The following SMCHD1 variants were observed in gnomAD, a reference collection of about 807,000 sequenced individuals.
SMCHD1 encodes structural maintenance of chromosomes flexible hinge domain containing 1.
A neutral mutation model predicts 254.7 loss-of-function variants in SMCHD1; 78 were observed. The observed-to-expected ratio is 0.31, with a 90% confidence interval of 0.26 to 0.37. SMCHD1 has a LOEUF of 0.37. SMCHD1 is among the 10% of genes least tolerant of loss of function. The probability of loss-of-function intolerance (pLI) is 1.00; values close to 1 mark genes in which losing one functional copy is unlikely to be tolerated. For synonymous variants in SMCHD1, 766 were observed against 794.9 expected (o/e 0.96, Z 0.61); for missense variants, 1,840 against 2,408.1 (o/e 0.76, Z 4.94).
rs749763319 is a variant in SMCHD1, at chr18:2,732,336, A to G, written c.3120A>G (p.Gln1040=). The G allele has an allele frequency of 1.7e-5, 28 of 1,613,804 alleles. 1 individual carries two copies. The South Asian group carries it at 2.4e-4, about 14-fold the overall frequency. The change falls in exon 25 of 48, where the codon CAA becomes CAG. Residue 1040 remains glutamine (Q), a synonymous_variant. Coordinates refer to ENST00000320876, the MANE Select transcript of SMCHD1 (RefSeq NM_015295.3). The part of the protein sequence containing the change: ...LLPSSHVARL[Q]IFSVEGQKAI... ...CCAGTAGCCATGTTGCAAGACTACA[A>G]ATATTCAGTGTAGAAGGACAAAAGG...
At chr18:2,770,924 C>T (rs1441662026) in intron 39 of SMCHD1, among the ~76,000 whole-genome samples, 1 of 152,084 alleles carries the variant, frequency 6.6e-6, no homozygotes, top group Non-Finnish European at 1.5e-5. Context: ...ACCCAGCCTA[C>T]GTTTGCTGCA....
intron 20 of SMCHD1, among the ~76,000 whole-genome samples, chr18:2,724,519 A>G (rs1012229529): frequency 6.6e-6 from 1 of 152,178 alleles, no homozygotes; most frequent in African/African-American, 2.4e-5. Context: ...GAAAGAATTC[A>G]TGGTAAATGC....
chr18:2,800,710 A>C (rs1336200120), intron 47 of SMCHD1: 1 of 152,166 alleles, frequency 6.6e-6, no homozygotes, highest in Non-Finnish European at 1.5e-5. Context: ...TATAGTTACC[A>C]TCAAGTCCCA....
At chr18:2,800,245 T>G (rs983094754) in intron 47 of SMCHD1, among the ~76,000 whole-genome samples, 1 of 151,688 alleles carries the variant, frequency 6.6e-6, no homozygotes, top group African/African-American at 2.4e-5. Context: ...CGGAACAGAA[T>G]GGAAAAGGAA....
chr18:2,705,206 C>T (rs2074486543), intron 13 of SMCHD1, among the ~76,000 whole-genome samples: 2 of 152,024 alleles, frequency 1.3e-5, no homozygotes, highest in Non-Finnish European at 2.9e-5. Context: ...CTCTTATAGT[C>T]CTTGTTGGGA....
intron 1 of SMCHD1, among the ~76,000 whole-genome samples, chr18:2,662,330 A>C (rs2073307066): frequency 6.6e-6 from 1 of 151,876 alleles, no homozygotes. Context: ...TAACTACAGG[A>C]TGCATAATTA....
At chr18:2,746,952 A>C (rs961479862) in intron 29 of SMCHD1, among the ~76,000 whole-genome samples, 1 of 152,216 alleles carries the variant, frequency 6.6e-6, no homozygotes, top group African/African-American at 2.4e-5. Context: ...TCAGCAAGAC[A>C]GTGTAGATCA....
intron 37 of SMCHD1, among the ~76,000 whole-genome samples, chr18:2,766,431 T>G (rs1262504905): frequency 6.6e-6 from 1 of 152,246 alleles, no homozygotes. Context: ...GCATGTAAAT[T>G]GTACTCTTAC....
chr18:2,709,474 T>C (rs1168817596), intron 17 of SMCHD1, among the ~76,000 whole-genome samples: 1 of 152,146 alleles, frequency 6.6e-6, no homozygotes, highest in African/African-American at 2.4e-5. Context: ...CGTACTGTTT[T>C]CCACAGTGGT....
intron 27 of SMCHD1, 58 bp from the exon 28 acceptor site, chr18:2,740,645 A>G (rs571718633): frequency 2.0e-5 from 18 of 904,062 alleles, no homozygotes; most frequent in African/African-American, 1.0e-4. Context: ...AGTGTATTGT[A>G]GATATTTATA....
intron 37 of SMCHD1, among the ~76,000 whole-genome samples, chr18:2,766,480 A>C (rs1185493033): frequency 6.6e-6 from 1 of 152,006 alleles, no homozygotes; most frequent in Non-Finnish European, 1.5e-5. Flanking sequence ...TCAATAGAAA[A>C]CTCAAGTCCT....
At chr18:2,695,944 T>G (rs7229755) in intron 8 of SMCHD1, among the ~76,000 whole-genome samples, 4,954 of 152,250 alleles carry the variant, frequency 0.033, 264 homozygotes, top group African/African-American at 0.11. Context: ...CATATTTTAT[T>G]AGCTATTTTA....
At chr18:2,708,867 C>CATATATATATATATAT (rs763226355) in intron 17 of SMCHD1, among the ~76,000 whole-genome samples, 9 of 8,294 alleles carry the variant, frequency 1.1e-3, no homozygotes, top group Non-Finnish European at 2.2e-3. Flanking sequence ...TCAATAACTT[C>CATATATATATATATAT]ATATATATAT....
At chr18:2,726,550 T>A in intron 22 of SMCHD1, 26 bp downstream of exon 22, 1 of 1,109,444 alleles carries the variant, frequency 9.0e-7, no homozygotes. Context: ...GAAATATAAT[T>A]ATTTAAAATA....
At chr18:2,782,001 G>A (rs760695940) in intron 44 of SMCHD1, among the ~76,000 whole-genome samples, 1 of 152,114 alleles carries the variant, frequency 6.6e-6, no homozygotes, top group Non-Finnish European at 1.5e-5. Context: ...TACTAGTTTT[G>A]CAAAAATGTT....
chr18:2,710,987 T>G (rs1011459281), intron 17 of SMCHD1, among the ~76,000 whole-genome samples: 50 of 151,754 alleles, frequency 3.3e-4, no homozygotes, highest in African/African-American at 1.2e-3. Context: ...TTTTTTGGGG[T>G]TTTTTTTGAG....
intron 37 of SMCHD1, among the ~76,000 whole-genome samples, chr18:2,764,768 C>A (rs983574545): frequency 6.6e-6 from 1 of 152,082 alleles, no homozygotes; most frequent in Non-Finnish European, 1.5e-5. Context: ...CATTTTATAT[C>A]AGGGATGTGA....
At position 2,717,408 on chromosome 18, in the gene SMCHD1, C is replaced by T. The variant is rs28634629; in HGVS notation, c.2261-750C>T. 5.6e-3 allele frequency among the ~76,000 whole-genome samples: 851 copies of T among 152,226 alleles called. 5 individuals carry two copies. The highest frequency in any genetic ancestry group is 0.02 in the African/African-American group (812 of 41,526). On this transcript the variant is annotated intron_variant, in intron 17 of 47. Coordinates refer to ENST00000320876, the MANE Select transcript of SMCHD1 (RefSeq NM_015295.3). ...GTTGCCCAGACTGGTACCTTCATAG[C>T]TCGCTGTGGCCTTGACCTCCTGGGC... is the stretch of plus-strand genomic sequence containing the variant.
intron 45 of SMCHD1, among the ~76,000 whole-genome samples, chr18:2,789,532 C>T (rs954337209): frequency 6.6e-6 from 1 of 151,976 alleles, no homozygotes; most frequent in South Asian, 2.1e-4. Flanking sequence ...TTTTCTCCCC[C>T]CACCATTTCT....
Sources: allele counts gnomAD v4.1 joint callset (sites outside exome capture counted in the v4.1 genomes callset), GRCh38; gene constraint gnomAD v4.1.1; transcripts MANE v1.5; gene names NCBI Gene and HGNC (gene_info 2026-07-23, HGNC 2026-07-21).